The following ERC1 variants were observed in gnomAD, a reference collection of about 807,000 sequenced individuals.
ERC1 encodes RAB6 interacting protein 2.
A neutral mutation model predicts 132.0 loss-of-function variants in ERC1; 56 were observed. The ratio of observed to expected loss-of-function variants is 0.42; its 90% CI spans 0.34 to 0.53. ERC1 has a LOEUF of 0.53. Among genes scored for constraint, ERC1 ranks in the 20% least tolerant of loss-of-function variants. ERC1 has a pLI of 0.03. For missense variants in ERC1, 1,202 were observed against 1,349.9 expected (o/e 0.89, Z 1.72); for synonymous variants, 478 against 476.1 (o/e 1.00, Z -0.05).
At chr12:1,265,606 C>G (rs1336360855) in intron 14 of ERC1, among the ~76,000 whole-genome samples, 1 of 152,164 alleles carries the variant, frequency 6.6e-6, no homozygotes, top group Non-Finnish European at 1.5e-5. Flanking sequence ...TGAGGGTTCA[C>G]TTTTCGTGAC....
intron 15 of ERC1, among the ~76,000 whole-genome samples, chr12:1,309,519 G>T (rs1030013821): frequency 6.6e-6 from 1 of 152,084 alleles, no homozygotes; most frequent in Admixed American, 6.6e-5. Flanking sequence ...GAATGATTAT[G>T]AATTTCTTCA....
At chr12:1,192,793 A>G (rs1305043239) in intron 12 of ERC1, among the ~76,000 whole-genome samples, 2 of 152,164 alleles carry the variant, frequency 1.3e-5, no homozygotes, top group Non-Finnish European at 2.9e-5. Flanking sequence ...GCTTGATCAG[A>G]GTTAAAGAAC....
At chr12:1,471,225 G>C (rs1268428382) in intron 18 of ERC1, among the ~76,000 whole-genome samples, 2 of 152,164 alleles carry the variant, frequency 1.3e-5, no homozygotes, top group Non-Finnish European at 2.9e-5. Flanking sequence ...AAGAGTTCAA[G>C]ACCCACCTGA....
intron 2 of ERC1, among the ~76,000 whole-genome samples, chr12:1,034,391 C>T (rs1287414411): frequency 6.6e-6 from 1 of 151,798 alleles, no homozygotes; most frequent in Non-Finnish European, 1.5e-5. Context: ...GCCTGGGCAA[C>T]ATAGTGAGAC....
chr12:1,289,417 T>A (rs560157280), intron 14 of ERC1, among the ~76,000 whole-genome samples: 1 of 152,118 alleles, frequency 6.6e-6, no homozygotes, highest in East Asian at 1.9e-4. Flanking sequence ...GGACTAAAAA[T>A]TATTCGTCTA....
intron 2 of ERC1, among the ~76,000 whole-genome samples, chr12:1,076,267 G>C (rs777529003): frequency 2.6e-5 from 4 of 151,996 alleles, no homozygotes; most frequent in Non-Finnish European, 5.9e-5. Flanking sequence ...TTTTGCTTCA[G>C]GTCAAATATT....
chr12:1,069,420 C>A (rs1339290997), intron 2 of ERC1, among the ~76,000 whole-genome samples: 1 of 152,008 alleles, frequency 6.6e-6, no homozygotes, highest in Non-Finnish European at 1.5e-5. Flanking sequence ...AAACTTTTAC[C>A]CATGTGCTCA....
intron 13 of ERC1, among the ~76,000 whole-genome samples, chr12:1,252,584 T>C (rs1488819163): frequency 3.3e-5 from 5 of 152,218 alleles, no homozygotes; most frequent in African/African-American, 4.8e-5. Context: ...ATGTGTACTT[T>C]TCTGTTTATT....
chr12:1,019,206 C>G (rs1459205824), intron 1 of ERC1, among the ~76,000 whole-genome samples: 5 of 152,172 alleles, frequency 3.3e-5, no homozygotes, highest in Admixed American at 3.3e-4. Context: ...TCACTGCAAC[C>G]TCCGCCTCTT....
chr12:1,436,751 A>T (rs2092960758), intron 17 of ERC1, among the ~76,000 whole-genome samples: 1 of 152,120 alleles, frequency 6.6e-6, no homozygotes, highest in Non-Finnish European at 1.5e-5. Context: ...GCATGCAGGG[A>T]GTTAAAAGCC....
chr12:1,440,511 T>G, intron 17 of ERC1, among the ~76,000 whole-genome samples: 1 of 150,322 alleles, frequency 6.7e-6, no homozygotes, highest in Non-Finnish European at 1.5e-5. Context: ...CGGCCTTTTT[T>G]TTTTTTTTTT....
chr12:1,173,745 A>G (rs1464710178), intron 8 of ERC1, among the ~76,000 whole-genome samples: 1 of 152,222 alleles, frequency 6.6e-6, no homozygotes, highest in East Asian at 1.9e-4. Flanking sequence ...AGAAGAGAAT[A>G]ATGACAAGAA....
At chr12:1,160,735 C>A (rs1474324693) in intron 8 of ERC1, among the ~76,000 whole-genome samples, 2 of 152,092 alleles carry the variant, frequency 1.3e-5, no homozygotes, top group Non-Finnish European at 2.9e-5. Context: ...CTAAGATCAG[C>A]CTGTAAAATT....
At chr12:1,310,289 C>T (rs758476458) in intron 15 of ERC1, among the ~76,000 whole-genome samples, 18 of 151,654 alleles carry the variant, frequency 1.2e-4, no homozygotes, top group Admixed American at 2.6e-4. Flanking sequence ...TGCAATGGGA[C>T]GATCTCGGCT....
intron 7 of ERC1, among the ~76,000 whole-genome samples, chr12:1,137,087 CTTTTTTTCTTTTCTTTT>C (rs1455841029): frequency 2.8e-5 from 4 of 143,004 alleles, no homozygotes; most frequent in African/African-American, 1.0e-4. Context: ...CTTTTTCTTT[CTTTTTTTCTTTTCTTTT>C]TTTTTTTTTT....
rs1184498225 is a variant in ERC1 at position 1,214,658 on chromosome 12, GTATACA to G, written c.2352-22108_2352-22103del. On this transcript the variant is annotated intron_variant, in intron 12 of 18. Coordinates refer to ENST00000360905, the MANE Select transcript of ERC1 (RefSeq NM_178040.4). ...ATATAAAACATAAATATGCGTGTGT[GTATACA>G]TACACACACACACACACACACACAC... Among the ~76,000 whole-genome samples, 6 of 112,758 alleles carry G rather than the reference GTATACA, an allele frequency of 5.3e-5. No homozygotes were observed. The South Asian group carries it at 1.0e-3, about 20-fold the overall frequency. 74.0% of individuals were successfully genotyped at this position (112,758 alleles called of 152,430 possible).
chr12:1,031,321 C>T (rs931280763), intron 2 of ERC1, among the ~76,000 whole-genome samples: 16 of 152,164 alleles, frequency 1.1e-4, no homozygotes, highest in African/African-American at 3.4e-4. Context: ...ATACACGTAA[C>T]GGATTTACCT....
intron 2 of ERC1, among the ~76,000 whole-genome samples, chr12:1,061,304 A>AC (rs1169468201): frequency 6.6e-6 from 1 of 152,044 alleles, no homozygotes; most frequent in African/African-American, 2.4e-5. Context: ...TTTTCAAAAA[A>AC]CCAAGTTTCT....
chr12:1,440,427 C>G (rs11061759), intron 17 of ERC1, among the ~76,000 whole-genome samples: 3 of 150,210 alleles, frequency 2.0e-5, no homozygotes, highest in Admixed American at 6.6e-5. Context: ...AGGATGGTCT[C>G]GATCTCCTGA....
Sources: allele counts gnomAD v4.1 joint callset (sites outside exome capture counted in the v4.1 genomes callset), GRCh38; gene constraint gnomAD v4.1.1; transcripts MANE v1.5; gene names NCBI Gene and HGNC (gene_info 2026-07-23, HGNC 2026-07-21).